Variants in NAV3 observed in about 807,000 individuals in gnomAD.
NAV3 encodes neuron navigator 3, also known as pore membrane and/or filament interacting like protein 1.
NAV3 carries 87 observed loss-of-function variants against 244.7 expected under a neutral mutation model. The observed-to-expected ratio is 0.36, with a 90% CI of 0.30 to 0.42. The LOEUF is 0.42. Ranked by LOEUF, NAV3 falls within the 20% of genes least tolerant of loss-of-function variation. The probability of loss-of-function intolerance (pLI) is 1.00; values close to 1 mark genes in which losing one functional copy is unlikely to be tolerated. For synonymous variants in NAV3, 1,126 were observed against 1,042.2 expected, an observed-to-expected ratio of 1.08 and a Z score of -1.55; for missense variants, 2,663 against 2,893.3, an observed-to-expected ratio of 0.92 and a Z score of 1.83.
intron 2 of NAV3, among the ~76,000 whole-genome samples, chr12:77,734,428 T>G (rs1023195738): frequency 1.3e-5 from 2 of 152,024 alleles, no homozygotes; most frequent in African/African-American, 4.8e-5. Context: ...TTGAAGAAAA[T>G]TTTGCAGATA....
At chr12:78,092,232 C>T (rs900051690) in intron 12 of NAV3, among the ~76,000 whole-genome samples, 11 of 152,022 alleles carry the variant, frequency 7.2e-5, no homozygotes, top group Non-Finnish European at 1.3e-4. Context: ...AAAAATAAAT[C>T]TATGAATGAC....
chr12:77,674,141 A>C (rs1172232178), intron 2 of NAV3, among the ~76,000 whole-genome samples: 1 of 152,178 alleles, frequency 6.6e-6, no homozygotes, highest in Non-Finnish European at 1.5e-5. Flanking sequence ...TAAATGTAAA[A>C]ATAGCAAACC....
At chr12:77,980,078 T>A (rs1869284839) in intron 5 of NAV3, among the ~76,000 whole-genome samples, 1 of 152,152 alleles carries the variant, frequency 6.6e-6, no homozygotes, top group Non-Finnish European at 1.5e-5. Context: ...TAAGCAATCA[T>A]GACAGATGAG....
chr12:78,158,542 G>A (rs2139387955), intron 22 of NAV3, among the ~76,000 whole-genome samples: 1 of 152,206 alleles, frequency 6.6e-6, no homozygotes, highest in East Asian at 1.9e-4. Flanking sequence ...AGCTTACTGT[G>A]AAATAAAATG....
intron 11 of NAV3, chr12:78,052,134 A>G (rs1430351493): frequency 6.6e-6 from 1 of 152,176 alleles, no homozygotes; most frequent in African/African-American, 2.4e-5. Flanking sequence ...CGCATCTGAG[A>G]GGACCCATGT....
chr12:78,179,084 C>CT (rs560781649), intron 28 of NAV3, among the ~76,000 whole-genome samples: 81 of 150,792 alleles, frequency 5.4e-4, no homozygotes, highest in African/African-American at 1.4e-3. Context: ...TGTGGCAAAG[C>CT]TTTTTTTTTG....
chr12:77,977,804 A>G (rs1251827666), intron 5 of NAV3, among the ~76,000 whole-genome samples: 1 of 151,926 alleles, frequency 6.6e-6, no homozygotes, highest in Non-Finnish European at 1.5e-5. Flanking sequence ...TGAAAATCTG[A>G]AAGTCTGGTA....
Position 78,022,781 on chromosome 12 carries a change from T to C in NAV3, c.2023+919T>C, listed in dbSNP as rs893987361. Among the ~76,000 whole-genome samples the C allele has an allele frequency of 3.3e-5, 5 of 152,106 alleles. No individual in the cohort carries two copies. In the East Asian group the frequency reaches 7.7e-4, roughly 23 times the overall value. ...CCACTTCGGCAGACCTGAAAAATAT[T>C]TGGCAAGCATTAGACATGACTACAG... On this transcript the variant is annotated intron_variant, in intron 9 of 39. Transcript: ENST00000397909.
intron 12 of NAV3, among the ~76,000 whole-genome samples, chr12:78,059,507 T>C (rs1008288546): frequency 6.6e-6 from 1 of 152,102 alleles, no homozygotes; most frequent in African/African-American, 2.4e-5. Flanking sequence ...CAGGATGGTC[T>C]CCATCTCTTG....
intron 34 of NAV3, among the ~76,000 whole-genome samples, chr12:78,194,584 A>G (rs932363158): frequency 6.6e-6 from 1 of 151,988 alleles, no homozygotes; most frequent in African/African-American, 2.4e-5. Context: ...TCTTCCTTTC[A>G]ATATGCTCAC....
intron 5 of NAV3, among the ~76,000 whole-genome samples, chr12:77,978,719 A>G (rs1868963697): frequency 6.6e-6 from 1 of 151,924 alleles, no homozygotes. Context: ...ATTTTGAATA[A>G]ATTTTTAAAA....
intron 2 of NAV3, among the ~76,000 whole-genome samples, chr12:77,735,698 A>G (rs746386898): frequency 1.3e-5 from 2 of 152,164 alleles, no homozygotes; most frequent in South Asian, 4.1e-4. Flanking sequence ...ACTTCTTTAC[A>G]TGGGATTTTA....
chr12:77,944,785 G>C (rs1419148357), intron 3 of NAV3, among the ~76,000 whole-genome samples: 1 of 150,670 alleles, frequency 6.6e-6, no homozygotes, highest in Admixed American at 6.6e-5. Context: ...AGAGTGTTGA[G>C]AGAGTGAGAC....
At chr12:78,064,940 CT>C (rs1463695956) in intron 12 of NAV3, among the ~76,000 whole-genome samples, 1 of 152,052 alleles carries the variant, frequency 6.6e-6, no homozygotes, top group Non-Finnish European at 1.5e-5. Flanking sequence ...AGTCTGGACT[CT>C]TATGAGAAGT....
chr12:77,637,286 G>C (rs1037186385), intron 2 of NAV3, among the ~76,000 whole-genome samples: 1 of 151,922 alleles, frequency 6.6e-6, no homozygotes, highest in Admixed American at 6.6e-5. Flanking sequence ...CATCACTGAG[G>C]TGTAAAAATT....
chr12:77,727,496 G>A (rs1196820540), intron 2 of NAV3, among the ~76,000 whole-genome samples: 1 of 151,654 alleles, frequency 6.6e-6, no homozygotes, highest in Non-Finnish European at 1.5e-5. Flanking sequence ...ACCAAGTCAA[G>A]GGTATAAATA....
At chr12:78,178,474 T>C (rs1196808120) in intron 28 of NAV3, among the ~76,000 whole-genome samples, 1 of 152,108 alleles carries the variant, frequency 6.6e-6, no homozygotes, top group East Asian at 1.9e-4. Flanking sequence ...AATACTGTAA[T>C]ATTTTTGGAC....
intron 2 of NAV3, among the ~76,000 whole-genome samples, chr12:77,793,829 G>T (rs541868626): frequency 6.6e-6 from 1 of 152,254 alleles, no homozygotes; most frequent in Non-Finnish European, 1.5e-5. Context: ...AATCCTTTAG[G>T]TATATACCCA....
chr12:77,798,202 C>T (rs59516403), intron 2 of NAV3, among the ~76,000 whole-genome samples: 1 of 151,132 alleles, frequency 6.6e-6, no homozygotes, highest in Non-Finnish European at 1.5e-5. Context: ...ACAACAACAA[C>T]AAAAAAACCC....
Sources: gnomAD v4.1 joint callset for allele counts (sites outside exome capture counted in the v4.1 genomes callset) on GRCh38, gnomAD v4.1.1 for gene constraint, MANE v1.5 for transcripts, NCBI Gene and HGNC (gene_info 2026-07-23, HGNC 2026-07-21) for gene names.